The following IL1R1 variants were observed in gnomAD, a reference collection of about 807,000 sequenced individuals.
The protein encoded by IL1R1 is interleukin 1 receptor type 1.
In IL1R1, 22 loss-of-function variants were observed where a neutral mutation model predicts 50.2. The ratio of observed to expected loss-of-function variants is 0.44; its 90% CI spans 0.31 to 0.63. IL1R1 has a LOEUF of 0.63. Ranked by LOEUF, IL1R1 falls within the 20% of genes least tolerant of loss-of-function variation. The pLI, the probability that IL1R1 is intolerant of heterozygous loss-of-function variation, is 0.07. For missense variants in IL1R1, 509 were observed against 676.2 expected (o/e 0.75, Z 2.74); for synonymous variants, 251 against 236.7 (o/e 1.06, Z -0.55).
intron 1 of IL1R1, among the ~76,000 whole-genome samples, chr2:102,086,814 C>A (rs1679450996): frequency 6.6e-6 from 1 of 152,112 alleles, no homozygotes; most frequent in African/African-American, 2.4e-5. Flanking sequence ...ATTATTTGAA[C>A]ATGTTTCTCT....
At chr2:102,123,382 A>G (rs921460761) in intron 1 of IL1R1, among the ~76,000 whole-genome samples, 1 of 152,230 alleles carries the variant, frequency 6.6e-6, no homozygotes, top group Non-Finnish European at 1.5e-5. Flanking sequence ...GTCCATGTTT[A>G]AAACAAATTA....
intron 1 of IL1R1, among the ~76,000 whole-genome samples, chr2:102,145,715 C>T (rs558472216): frequency 1.3e-5 from 2 of 152,126 alleles, no homozygotes; most frequent in African/African-American, 2.4e-5. Flanking sequence ...CAAGTGGGGC[C>T]GTGAATGTGG....
chr2:102,074,687 C>G (rs1678886115), intron 1 of IL1R1, among the ~76,000 whole-genome samples: 1 of 152,186 alleles, frequency 6.6e-6, no homozygotes, highest in African/African-American at 2.4e-5. Context: ...ATTGTCCAGT[C>G]AGGAGCACCC....
chr2:102,169,345 G>T (rs1207480587), intron 7 of IL1R1, among the ~76,000 whole-genome samples: 2 of 152,196 alleles, frequency 1.3e-5, no homozygotes, highest in Non-Finnish European at 2.9e-5. Context: ...TAGGCGCATG[G>T]AGTTATGGAC....
upstream of IL1R1, among the ~76,000 whole-genome samples, chr2:102,103,819 C>A (rs536775324): frequency 6.6e-6 from 1 of 151,972 alleles, no homozygotes; most frequent in South Asian, 2.1e-4. Flanking sequence ...CATGGTGAAA[C>A]CCCATCTCTA....
At chr2:102,150,697 C>G (rs1683573335) in intron 1 of IL1R1, among the ~76,000 whole-genome samples, 1 of 152,156 alleles carries the variant, frequency 6.6e-6, no homozygotes, top group Non-Finnish European at 1.5e-5. Flanking sequence ...ATGGACAAGG[C>G]CTCCGGAAGT....
At chr2:102,091,981 A>G (rs1679688483) in intron 1 of IL1R1, among the ~76,000 whole-genome samples, 3 of 152,188 alleles carry the variant, frequency 2.0e-5, no homozygotes, top group Non-Finnish European at 4.4e-5. Flanking sequence ...ATGGCTGAAT[A>G]GAAGGTTTTT....
upstream of IL1R1, chr2:102,141,949 A>C (rs1000342367): frequency 6.6e-6 from 1 of 152,246 alleles, no homozygotes; most frequent in Non-Finnish European, 1.5e-5. Context: ...CGTTCGCTGC[A>C]TGACCTTGGC....
rs917413765 is a variant in IL1R1 at position 102,179,106 on chromosome 2, C to T, written c.*2347C>T. On this transcript the variant is annotated 3_prime_UTR_variant, in exon 12 of 12. Coordinates refer to ENST00000410023, the MANE Select transcript of IL1R1 (RefSeq NM_000877.4). Reference sequence around the variant, plus strand: ...TTGACACACAGACTACAGCCAGAAGCCCATGGAGCAGGGATGTCACGTCTT... The same window carrying T: ...TTGACACACAGACTACAGCCAGAAGTCCATGGAGCAGGGATGTCACGTCTT... The T allele has an allele frequency of 1.3e-4, 20 of 152,284 alleles. No individual in the cohort carries two copies. The highest frequency in any genetic ancestry group is 4.6e-4 in the African/African-American group (19 of 41,414). 9.4% of individuals were successfully genotyped at this position (152,284 alleles called of 1,614,324 possible). A position where few individuals can be genotyped will look rare whatever the true frequency, so the allele number is the denominator to read the frequency against.
chr2:102,129,272 A>G (rs1681897779), intron 1 of IL1R1, among the ~76,000 whole-genome samples: 1 of 151,256 alleles, frequency 6.6e-6, no homozygotes, highest in Admixed American at 6.6e-5. Flanking sequence ...AACAACAACA[A>G]CAACAACAAC....
At chr2:102,130,043 T>G (rs1681944497) in intron 1 of IL1R1, among the ~76,000 whole-genome samples, 1 of 152,242 alleles carries the variant, frequency 6.6e-6, no homozygotes, top group African/African-American at 2.4e-5. Context: ...CTTTTTTTAC[T>G]TTGTTTACAT....
chr2:102,092,783 G>A (rs1037376984), intron 1 of IL1R1, among the ~76,000 whole-genome samples: 5 of 152,160 alleles, frequency 3.3e-5, no homozygotes, highest in African/African-American at 1.2e-4. Context: ...GAAAGGATGG[G>A]GGTGGAGCCG....
intron 1 of IL1R1, among the ~76,000 whole-genome samples, chr2:102,078,112 C>T (rs1429001652): frequency 2.0e-5 from 3 of 151,460 alleles, no homozygotes; most frequent in Non-Finnish European, 4.4e-5. Flanking sequence ...GAGTATATTA[C>T]AAAAAAGGAT....
At chr2:102,171,745 C>T (rs1685689737) in intron 7 of IL1R1, 56 bp from the exon 8 acceptor site, 1 of 1,006,082 alleles carries the variant, frequency 9.9e-7, no homozygotes, top group African/African-American at 1.6e-5. Flanking sequence ...ATTTATTAAT[C>T]TAGATAGATC....
At position 102,177,220 on chromosome 2, in the gene IL1R1, T is replaced by C. The variant is rs111585217; in HGVS notation, c.*461T>C. Reference sequence around the variant, plus strand: ...GACGGAGGTTGCAGTGAGCCGAGTTTGGGCCACTGCACTCTAGCCTGGCAA... The same window carrying C: ...GACGGAGGTTGCAGTGAGCCGAGTTCGGGCCACTGCACTCTAGCCTGGCAA... On this transcript the variant is annotated 3_prime_UTR_variant, in exon 12 of 12. Transcript: ENST00000410023. The C allele has an allele frequency of 9.0e-5, 16 of 178,600 alleles. 1 individual carries two copies. Among genetic ancestry groups the C allele is most frequent in the African/African-American group, 3.6e-4 (15 of 41,914 alleles). 11.1% of individuals were successfully genotyped at this position (178,600 alleles called of 1,614,324 possible). A position where few individuals can be genotyped will look rare whatever the true frequency, so the allele number is the denominator to read the frequency against.
intron 1 of IL1R1, among the ~76,000 whole-genome samples, chr2:102,073,236 C>A (rs147610846): frequency 3.5e-4 from 53 of 152,206 alleles, no homozygotes; most frequent in Admixed American, 1.2e-3. Flanking sequence ...TTCTGGGGAC[C>A]ACGGATACAA....
chr2:102,160,737 G>C (rs1559498279), intron 3 of IL1R1, among the ~76,000 whole-genome samples: 1 of 152,204 alleles, frequency 6.6e-6, no homozygotes, highest in Non-Finnish European at 1.5e-5. Flanking sequence ...ATCTGAAACT[G>C]TTTATGCTGC....
At position 102,171,832 on chromosome 2, in the gene IL1R1, C is replaced by A; in HGVS notation, c.753C>A (p.Thr251=). ...AGATACAATTGATCTGTAATGTCACCGGCCAGTTGAGTGACATTGCTTACT... is the reference window on the plus strand; with the variant it reads ...AGATACAATTGATCTGTAATGTCACAGGCCAGTTGAGTGACATTGCTTACT... ...GSQIQLICNV[T]GQLSDIAYWK... The change falls in exon 8 of 12, where the codon ACC becomes ACA. Residue 251 remains threonine (T), a synonymous_variant. Coordinates refer to ENST00000410023, the MANE Select transcript of IL1R1 (RefSeq NM_000877.4). The A allele has an allele frequency of 6.2e-7, 1 of 1,604,770 alleles. No individual in the cohort carries two copies. Among genetic ancestry groups the A allele is most frequent in the Non-Finnish European group, 8.5e-7 (1 of 1,173,242 alleles).
chr2:102,166,349 A>G (rs1215812902), intron 6 of IL1R1, 68 bp downstream of exon 6: 3 of 1,193,602 alleles, frequency 2.5e-6, no homozygotes, highest in Non-Finnish European at 2.3e-6. Context: ...TTCTAATACT[A>G]CTTTCATTAT....
Sources: allele counts gnomAD v4.1 joint callset (sites outside exome capture counted in the v4.1 genomes callset), GRCh38; gene constraint gnomAD v4.1.1; transcripts MANE v1.5; gene names NCBI Gene and HGNC (gene_info 2026-07-23, HGNC 2026-07-21).